The following KIAA1217 variants were observed in gnomAD, a reference collection of about 807,000 sequenced individuals.
KIAA1217 encodes sickle tail protein homolog.
Under a neutral mutation model 163.9 loss-of-function variants are expected in KIAA1217, and 88 were observed. That is an observed-to-expected ratio of 0.54 (90% CI 0.45 to 0.64). The LOEUF (loss-of-function observed/expected upper bound fraction) is 0.64. Among genes scored for constraint, KIAA1217 ranks in the 30% least tolerant of loss-of-function variants. The pLI is 0.00. For missense variants in KIAA1217, 2,372 were observed against 2,475.0 expected (o/e 0.96, Z 0.88); for synonymous variants, 903 against 923.1 (o/e 0.98, Z 0.39).
At chr10:24,280,760 A>C (rs1243197418) in intron 2 of KIAA1217, among the ~76,000 whole-genome samples, 1 of 150,776 alleles carries the variant, frequency 6.6e-6, no homozygotes, top group South Asian at 2.1e-4. Context: ...CAGTGAGCAG[A>C]GATTGCGCCA....
At chr10:23,780,071 C>T (rs894390181) in intron 1 of KIAA1217, among the ~76,000 whole-genome samples, 19 of 152,090 alleles carry the variant, frequency 1.2e-4, no homozygotes, top group Non-Finnish European at 2.8e-4. Flanking sequence ...CACACTGTAG[C>T]CCCGGCATTA....
intron 1 of KIAA1217, among the ~76,000 whole-genome samples, chr10:23,985,411 G>A (rs569687278): frequency 5.3e-5 from 8 of 152,058 alleles, no homozygotes; most frequent in Non-Finnish European, 1.0e-4. Context: ...CCAACCTTTT[G>A]CCTCAAAAGC....
intron 2 of KIAA1217, among the ~76,000 whole-genome samples, chr10:24,164,149 A>G (rs1296807239): frequency 2.0e-5 from 3 of 152,184 alleles, no homozygotes; most frequent in Non-Finnish European, 2.9e-5. Context: ...AGGACAGGGG[A>G]CAACCTCTTG....
chr10:24,129,214 T>C (rs2063568253), intron 2 of KIAA1217, among the ~76,000 whole-genome samples: 1 of 152,216 alleles, frequency 6.6e-6, no homozygotes, highest in East Asian at 1.9e-4. Flanking sequence ...TTATGTGCCT[T>C]ACTGCAGTGT....
Position 24,010,840 on chromosome 10 carries a change from C to T in KIAA1217, c.-171+3466C>T, listed in dbSNP as rs527802746. On this transcript the variant is annotated intron_variant, in intron 2 of 18. Coordinates refer to the KIAA1217 transcript ENST00000376462. ...ATCTGTCACCCCAAATACTGCCTCT[C>T]CGGGATGGGGGTTCCAGCTGGTCAT... Among the ~76,000 whole-genome samples the T allele has an allele frequency of 1.6e-3, 238 of 152,194 alleles. 2 individuals are homozygous for T. The highest frequency in any genetic ancestry group is 0.013 in the South Asian group (64 of 4,808).
intron 1 of KIAA1217, among the ~76,000 whole-genome samples, chr10:23,707,917 G>T (rs1352387450): frequency 6.6e-6 from 1 of 152,140 alleles, no homozygotes; most frequent in Non-Finnish European, 1.5e-5. Context: ...TGAAGGATTT[G>T]AAAATTGCTT....
At chr10:24,116,196 C>G (rs1403890606) in intron 2 of KIAA1217, among the ~76,000 whole-genome samples, 1 of 152,076 alleles carries the variant, frequency 6.6e-6, no homozygotes, top group Non-Finnish European at 1.5e-5. Flanking sequence ...CACACTTGCC[C>G]CATGAGTAGT....
Position 24,524,772 on chromosome 10 carries a change from C to T in KIAA1217, c.2898+8C>T. ...AGGGCAGTGTCTATCGAGGTAGAGT[C>T]CTATTTCTGTTTCTCATAACCCCAT... On this transcript the variant is annotated splice_region_variant and intron_variant, in intron 13 of 20. Coordinates refer to ENST00000376454, the MANE Select transcript of KIAA1217 (RefSeq NM_019590.5). The T allele has an allele frequency of 6.4e-7, 1 of 1,569,914 alleles. No individual in the cohort carries two copies. The highest frequency in any genetic ancestry group is 8.7e-7 in the Non-Finnish European group (1 of 1,154,004).
At chr10:23,797,398 G>A (rs993556571) in intron 1 of KIAA1217, among the ~76,000 whole-genome samples, 1 of 152,138 alleles carries the variant, frequency 6.6e-6, no homozygotes, top group South Asian at 2.1e-4. Flanking sequence ...ACTTGCTCAA[G>A]GCCACACAGT....
At chr10:24,148,820 T>C (rs1009021077) in intron 2 of KIAA1217, among the ~76,000 whole-genome samples, 15 of 152,218 alleles carry the variant, frequency 9.9e-5, no homozygotes, top group African/African-American at 3.4e-4. Flanking sequence ...ACACACATCA[T>C]GAATTGTTTT....
In KIAA1217 at chr10:24,543,582, C is replaced by G; in HGVS notation, c.4312C>G (p.Leu1438Val). 1.1e-5 allele frequency: 17 copies of G among 1,614,090 alleles called. No homozygotes were observed. The highest frequency in any genetic ancestry group is 1.4e-5 in the Non-Finnish European group (17 of 1,180,026). ...GTDNEDPVVC[L>V]DKKPVIIIFD... Reference sequence around the variant, plus strand: ...TGACAATGAGGATCCAGTCGTGTGCCTGGACAAGAAACCAGTGATCATCAT... The same window carrying G: ...TGACAATGAGGATCCAGTCGTGTGCGTGGACAAGAAACCAGTGATCATCAT... Residue 1438 changes from leucine to valine, a missense_variant, in exon 19 of 21, where the codon CTG (leucine) becomes GTG (valine). Physicochemically the swap from Leu to Val is conservative, Grantham distance 32. Coordinates refer to ENST00000376454, the MANE Select transcript of KIAA1217 (RefSeq NM_019590.5).
chr10:24,518,510 A>T (rs771373012), intron 10 of KIAA1217, among the ~76,000 whole-genome samples: 4 of 152,212 alleles, frequency 2.6e-5, no homozygotes, highest in Non-Finnish European at 2.9e-5. Flanking sequence ...GAGTCAGATG[A>T]CAGCTCCTTG....
chr10:24,456,774 C>G (rs1447520369), intron 5 of KIAA1217, among the ~76,000 whole-genome samples: 1 of 150,966 alleles, frequency 6.6e-6, no homozygotes, highest in Non-Finnish European at 1.5e-5. Flanking sequence ...GTGATCTCAG[C>G]TCACTGCAAC....
At chr10:24,210,011 G>A (rs886906638) in intron 1 of KIAA1217, among the ~76,000 whole-genome samples, 4 of 152,124 alleles carry the variant, frequency 2.6e-5, no homozygotes, top group Non-Finnish European at 5.9e-5. Context: ...TGATGCCTGT[G>A]ATGCCAAGAG....
rs549910536 is a variant in KIAA1217, at chr10:24,536,708, C to T, written c.3415-66C>T. On this transcript the variant is annotated intron_variant, in intron 16 of 20. Coordinates refer to ENST00000376454, the MANE Select transcript of KIAA1217 (RefSeq NM_019590.5). ...GTCCACAAGCGTCTGGTTGTTCCTG[C>T]CTGTTTCCCTCCATTCTCCTCAGTA... 5 of 1,554,652 alleles carry T rather than the reference C, an allele frequency of 3.2e-6. No homozygotes were observed. The African/African-American group carries it at 4.1e-5, about 13-fold the overall frequency.
chr10:23,722,869 G>C (rs1338066467), intron 1 of KIAA1217, among the ~76,000 whole-genome samples: 3 of 152,158 alleles, frequency 2.0e-5, no homozygotes, highest in African/African-American at 7.2e-5. Flanking sequence ...TCACATTCCA[G>C]TTCCTAAGGA....
intron 3 of KIAA1217, among the ~76,000 whole-genome samples, chr10:24,426,769 A>G (rs1229706949): frequency 6.6e-6 from 1 of 152,222 alleles, no homozygotes; most frequent in African/African-American, 2.4e-5. Flanking sequence ...TATGTGAAGC[A>G]AAGAGGTGGT....
intron 2 of KIAA1217, among the ~76,000 whole-genome samples, chr10:24,093,921 A>G (rs1362046147): frequency 2.6e-5 from 4 of 150,946 alleles, no homozygotes; most frequent in Admixed American, 2.0e-4. Flanking sequence ...TGTTCTTGCA[A>G]TAGTTTACTG....
At chr10:24,367,879 T>C (rs1196312460) in intron 2 of KIAA1217, among the ~76,000 whole-genome samples, 1 of 152,222 alleles carries the variant, frequency 6.6e-6, no homozygotes, top group African/African-American at 2.4e-5. Context: ...TTGCCCAAGG[T>C]CACACAGCTA....
Sources: gnomAD v4.1 joint callset for allele counts (sites outside exome capture counted in the v4.1 genomes callset) on GRCh38, gnomAD v4.1.1 for gene constraint, MANE v1.5 for transcripts, NCBI Gene and HGNC (gene_info 2026-07-23, HGNC 2026-07-21) for gene names.